RARB: variants seen among roughly 807,000 people sequenced by gnomAD.
RARB encodes the protein retinoic acid receptor beta, also known as HBV-activated protein.
RARB carries 17 observed loss-of-function variants against 51.9 expected under a neutral mutation model. The observed-to-expected ratio is 0.33, with a 90% CI of 0.22 to 0.49. RARB has a LOEUF of 0.49. Ranked by LOEUF, RARB falls within the 20% of genes least tolerant of loss-of-function variation. RARB has a pLI of 0.99. For missense variants in RARB, 369 were observed against 550.8 expected (o/e 0.67, Z 3.30); for synonymous variants, 215 against 195.4 (o/e 1.10, Z -0.84).
At chr3:25,222,435 T>A (rs2125385315) in intron 5 of RARB, among the ~76,000 whole-genome samples, 1 of 152,320 alleles carries the variant, frequency 6.6e-6, no homozygotes, top group Admixed American at 6.5e-5. Context: ...ATTTATATTT[T>A]AAGAGTCAGT....
At chr3:24,869,187 A>G (rs1702901124) in intron 2 of RARB, among the ~76,000 whole-genome samples, 1 of 152,162 alleles carries the variant, frequency 6.6e-6, no homozygotes, top group Non-Finnish European at 1.5e-5. Context: ...CAGAATGTAC[A>G]ATTAAAATCA....
chr3:25,443,183 A>G (rs981215242), intron 1 of RARB, among the ~76,000 whole-genome samples: 2 of 152,124 alleles, frequency 1.3e-5, no homozygotes, highest in African/African-American at 4.8e-5. Context: ...TGGTTATTCA[A>G]AACACCTCTA....
intron 3 of RARB, among the ~76,000 whole-genome samples, chr3:25,084,887 C>G (rs947967741): frequency 3.3e-5 from 5 of 151,502 alleles, no homozygotes; most frequent in African/African-American, 1.2e-4. Flanking sequence ...TTGTATAAAC[C>G]CTACCATAAA....
intron 5 of RARB, among the ~76,000 whole-genome samples, chr3:25,342,359 T>A (rs1705255477): frequency 6.6e-6 from 1 of 152,178 alleles, no homozygotes; most frequent in South Asian, 2.1e-4. Context: ...GCCAACCCTT[T>A]CAAAAAATCT....
intron 2 of RARB, among the ~76,000 whole-genome samples, chr3:24,962,596 C>T (rs895606841): frequency 3.3e-5 from 5 of 152,164 alleles, no homozygotes; most frequent in Non-Finnish European, 7.3e-5. Flanking sequence ...TGCCTGAGCT[C>T]CACCTCCTGT....
chr3:24,955,492 T>C (rs1367350031), intron 2 of RARB, among the ~76,000 whole-genome samples: 1 of 152,172 alleles, frequency 6.6e-6, no homozygotes, highest in Non-Finnish European at 1.5e-5. Context: ...CACTCTTCTA[T>C]CCAGTATTTT....
intron 3 of RARB, among the ~76,000 whole-genome samples, chr3:25,543,842 C>G (rs1246999766): frequency 1.3e-5 from 2 of 152,184 alleles, no homozygotes; most frequent in African/African-American, 2.4e-5. Flanking sequence ...AGAGCAAGAA[C>G]CAAGCCTGTG....
chr3:25,394,393 C>T (rs1181977714), intron 5 of RARB, among the ~76,000 whole-genome samples: 3 of 152,082 alleles, frequency 2.0e-5, no homozygotes, highest in African/African-American at 7.2e-5. Flanking sequence ...TTAGAATGTT[C>T]AGTAAATATC....
chr3:25,369,836 C>T (rs150177281), intron 5 of RARB, among the ~76,000 whole-genome samples: 11,897 of 151,978 alleles, frequency 0.078, 649 homozygotes, highest in South Asian at 0.19. Flanking sequence ...GCAGGAGAAT[C>T]GCTTGAACCC....
At chr3:25,190,888 T>A (rs1575207416) in intron 5 of RARB, among the ~76,000 whole-genome samples, 1 of 147,960 alleles carries the variant, frequency 6.8e-6, no homozygotes, top group Non-Finnish European at 1.5e-5. Context: ...TCAAAAAAAA[T>A]CATCTGGTTC....
chr3:25,157,573 T>C (rs1458345714), intron 4 of RARB, among the ~76,000 whole-genome samples: 1 of 152,050 alleles, frequency 6.6e-6, no homozygotes, highest in African/African-American at 2.4e-5. Context: ...AATTTTTTAT[T>C]TTTAGTAGAG....
chr3:24,843,900 TACACACACAC>T (rs71057685), intron 1 of RARB, among the ~76,000 whole-genome samples: 22 of 145,250 alleles, frequency 1.5e-4, no homozygotes, highest in East Asian at 6.1e-4. Flanking sequence ...GATTTGAGGG[TACACACACAC>T]ACACACACAC....
intron 2 of RARB, among the ~76,000 whole-genome samples, chr3:24,859,770 G>A (rs898289710): frequency 6.6e-6 from 1 of 152,052 alleles, no homozygotes; most frequent in Non-Finnish European, 1.5e-5. Flanking sequence ...GCTTTTTGTG[G>A]GCCATATGGT....
At chr3:24,891,741 G>A (rs970703106) in intron 2 of RARB, among the ~76,000 whole-genome samples, 2 of 152,138 alleles carry the variant, frequency 1.3e-5, no homozygotes, top group African/African-American at 2.4e-5. Context: ...CAGAAATCGG[G>A]AGGTCAAGGA....
intron 2 of RARB, among the ~76,000 whole-genome samples, chr3:24,985,448 GA>G (rs1312143781): frequency 6.6e-6 from 1 of 151,506 alleles, no homozygotes; most frequent in Admixed American, 6.6e-5. Context: ...AACGTCAAGG[GA>G]AAAAACAGAC....
At chr3:25,067,113 A>C (rs1559453818) in intron 3 of RARB, among the ~76,000 whole-genome samples, 1 of 152,212 alleles carries the variant, frequency 6.6e-6, no homozygotes, top group Non-Finnish European at 1.5e-5. Flanking sequence ...GAAGGGCTCC[A>C]GAAAAGGGTA....
rs1412197843 is a variant in RARB at position 24,902,414 on chromosome 3, C to T, written c.-380+43662C>T. 4.6e-5 allele frequency among the ~76,000 whole-genome samples: 7 copies of T among 151,814 alleles called. No homozygotes were observed. In the East Asian group the frequency reaches 5.8e-4, roughly 13 times the overall value. On this transcript the variant is annotated intron_variant, in intron 2 of 11. Transcript: ENST00000383772. Reference sequence around the variant, plus strand: ...CAGTTGACACCAGGTTTTTTTTTCCCACTTTTTGTCCACCCTACAGAAGAA... The same window carrying T: ...CAGTTGACACCAGGTTTTTTTTTCCTACTTTTTGTCCACCCTACAGAAGAA...
intron 5 of RARB, among the ~76,000 whole-genome samples, chr3:25,333,885 C>G (rs1250070234): frequency 6.6e-6 from 1 of 152,170 alleles, no homozygotes; most frequent in Non-Finnish European, 1.5e-5. Context: ...ACAGACACTT[C>G]TCAAAAGAAG....
intron 5 of RARB, among the ~76,000 whole-genome samples, chr3:25,242,002 C>G (rs923469222): frequency 2.0e-5 from 3 of 152,114 alleles, no homozygotes; most frequent in Non-Finnish European, 4.4e-5. Flanking sequence ...ATGATCACCA[C>G]TTTAACTGGC....
Sources: gnomAD v4.1 joint callset for allele counts (sites outside exome capture counted in the v4.1 genomes callset) on GRCh38, gnomAD v4.1.1 for gene constraint, MANE v1.5 for transcripts, NCBI Gene and HGNC (gene_info 2026-07-23, HGNC 2026-07-21) for gene names.